The following POLR1B variants were observed in gnomAD, a reference collection of about 807,000 sequenced individuals.
POLR1B encodes the protein DNA-directed RNA polymerase I subunit RPA2.
In POLR1B, 30 loss-of-function variants were observed where a neutral mutation model predicts 105.8. The observed-to-expected ratio is 0.28, with a 90% CI of 0.21 to 0.38. The LOEUF (loss-of-function observed/expected upper bound fraction) is 0.38, where lower values mean the gene tolerates loss of function less well. Ranked by LOEUF, POLR1B falls within the 10% of genes least tolerant of loss-of-function variation. The probability of loss-of-function intolerance (pLI) is 1.00; values close to 1 mark genes in which losing one functional copy is unlikely to be tolerated. For missense variants in POLR1B, 976 were observed against 1,435.8 expected, an observed-to-expected ratio of 0.68 and a Z score of 5.17; for synonymous variants, 485 against 505.1, an observed-to-expected ratio of 0.96 and a Z score of 0.53.
chr2:112,561,750 A>G (rs1683999015), intron 9 of POLR1B, among the ~76,000 whole-genome samples: 1 of 152,188 alleles, frequency 6.6e-6, no homozygotes, highest in Admixed American at 6.5e-5. Flanking sequence ...TTTTTCTGTT[A>G]GGCACATCAC....
intron 9 of POLR1B, among the ~76,000 whole-genome samples, chr2:112,563,281 T>C (rs1684103342): frequency 6.6e-6 from 1 of 151,826 alleles, no homozygotes; most frequent in Non-Finnish European, 1.5e-5. Flanking sequence ...GGTCTCGATC[T>C]CCTGACCTCG....
At chr2:112,554,122 C>G (rs1683522649) in intron 7 of POLR1B, among the ~76,000 whole-genome samples, 1 of 151,778 alleles carries the variant, frequency 6.6e-6, no homozygotes, top group Non-Finnish European at 1.5e-5. Flanking sequence ...GCCACTGTGC[C>G]TGGCTTCTAA....
chr2:112,568,119 A>G lies in POLR1B; in HGVS notation c.1899A>G (p.Leu633=), dbSNP rs1467234232. ...VQNLALGKEE[L]IGTMEQIFMN... is the part of the protein sequence containing the mutation. ...ACTTAGCATTGGGCAAAGAAGAGCT[A>G]ATTGGAACTATGGAACAGGTAAATA... The change falls in exon 11 of 15, where the codon CTA becomes CTG. Residue 633 remains leucine (L), a synonymous_variant. Transcript: ENST00000263331. 2.5e-6 allele frequency: 4 copies of G among 1,613,808 alleles called. No individual in the cohort carries two copies. The highest frequency in any genetic ancestry group is 3.4e-6 in the Non-Finnish European group (4 of 1,179,840).
intron 10 of POLR1B, 88 bp from the exon 11 acceptor site, chr2:112,567,879 A>T (rs377300981): frequency 2.7e-6 from 3 of 1,123,256 alleles, no homozygotes; most frequent in Non-Finnish European, 2.6e-6. Flanking sequence ...CTGAGTGTGG[A>T]TGAGTGGTAT....
intron 9 of POLR1B, among the ~76,000 whole-genome samples, chr2:112,562,840 C>G (rs141292896): frequency 0.012 from 1,770 of 150,496 alleles, 24 homozygotes; most frequent in South Asian, 0.021. Flanking sequence ...ATTCTCCTGC[C>G]TCAGCCTTGC....
At chr2:112,564,639 C>CGGAA in intron 10 of POLR1B, 140 bp downstream of exon 10, 1 of 1,172,126 alleles carries the variant, frequency 8.5e-7, no homozygotes, top group Non-Finnish European at 1.2e-6. Flanking sequence ...CCTGTGCATT[C>CGGAA]CCTCTGGTGA....
chr2:112,547,588 A>G (rs917690421), intron 3 of POLR1B, 21 bp downstream of exon 3: 2 of 1,611,922 alleles, frequency 1.2e-6, no homozygotes, highest in Non-Finnish European at 1.7e-6. Context: ...GCGTCCAGGC[A>G]TGAGACAGTA....
rs542412465 is a variant in POLR1B, at chr2:112,548,441, G to A, written c.493-826G>A. On this transcript the variant is annotated intron_variant, in intron 3 of 14. Coordinates refer to ENST00000263331, the MANE Select transcript of POLR1B (RefSeq NM_019014.6). Reference sequence around the variant, plus strand: ...ATGCCTGTTTCATAGTAGGCAATTCGTAAATAGTAGCTGTTTATTACAGAA... The same window carrying A: ...ATGCCTGTTTCATAGTAGGCAATTCATAAATAGTAGCTGTTTATTACAGAA... Among the ~76,000 whole-genome samples the A allele has an allele frequency of 4.6e-5, 7 of 152,254 alleles. No homozygotes were observed. The East Asian group carries it at 1.2e-3, about 25-fold the overall frequency.
chr2:112,552,076 C>T (rs13015822), intron 6 of POLR1B, 78 bp downstream of exon 6: 294 of 1,170,816 alleles, frequency 2.5e-4, no homozygotes, highest in Non-Finnish European at 3.6e-4. Context: ...GCAGTTTGGG[C>T]GGGCGAGTCA....
chr2:112,564,647 T>G, intron 10 of POLR1B, 148 bp downstream of exon 10: 1 of 1,096,924 alleles, frequency 9.1e-7, no homozygotes, highest in Non-Finnish European at 1.3e-6. Flanking sequence ...TTCCCTCTGG[T>G]GACAGAGGCT....
At chr2:112,567,264 C>G (rs1471815364) in intron 10 of POLR1B, among the ~76,000 whole-genome samples, 2 of 152,092 alleles carry the variant, frequency 1.3e-5, no homozygotes, top group African/African-American at 4.8e-5. Context: ...ATGCATCTAG[C>G]TGTGAATCCC....
At chr2:112,569,993 G>T (rs1684509834) in intron 12 of POLR1B, among the ~76,000 whole-genome samples, 3 of 149,872 alleles carry the variant, frequency 2.0e-5, no homozygotes, top group African/African-American at 2.5e-5. Flanking sequence ...TTTTGATATT[G>T]TTCCATAAGA....
rs778075809 is a variant in POLR1B, at chr2:112,578,973, TGAG to T, written c.*3246_*3248del. 7.2e-5 allele frequency among the ~76,000 whole-genome samples: 11 copies of T among 152,014 alleles called. No individual in the cohort carries two copies. The highest frequency in any genetic ancestry group is 1.6e-4 in the Non-Finnish European group (11 of 67,984). On this transcript the variant is annotated 3_prime_UTR_variant, in exon 15 of 15. Coordinates refer to ENST00000263331, the MANE Select transcript of POLR1B (RefSeq NM_019014.6). Reference sequence around the variant, plus strand: ...CTGTAATCCCAGGACTTTGGCAGGCTGAGGTGTGCAGATCACTTGAGGTCAGGA... The same window carrying T: ...CTGTAATCCCAGGACTTTGGCAGGCTGTGTGCAGATCACTTGAGGTCAGGA...
At chr2:112,563,212 G>T (rs953708831) in intron 9 of POLR1B, among the ~76,000 whole-genome samples, 4 of 151,428 alleles carry the variant, frequency 2.6e-5, no homozygotes, top group African/African-American at 9.7e-5. Context: ...CCGCCACCAC[G>T]CCCGGCTAAT....
intron 12 of POLR1B, 143 bp downstream of exon 12, chr2:112,569,045 C>T (rs1385116065): frequency 2.5e-6 from 2 of 808,412 alleles, no homozygotes; most frequent in Non-Finnish European, 3.8e-6. Context: ...TTCTGTGCCA[C>T]AAGCAACCAG....
chr2:112,544,249 G>A (rs1189739519), intron 1 of POLR1B, among the ~76,000 whole-genome samples: 1 of 151,032 alleles, frequency 6.6e-6, no homozygotes, highest in Non-Finnish European at 1.5e-5. Context: ...TGGCCAACCT[G>A]GTGAAACCCC....
chr2:112,555,180 CCAAAAAAA>C, intron 7 of POLR1B, among the ~76,000 whole-genome samples: 1 of 151,254 alleles, frequency 6.6e-6, no homozygotes, highest in Non-Finnish European at 1.5e-5. Context: ...GACCCTGTCT[CCAAAAAAA>C]ACCTGTTAGC....
At chr2:112,569,442 T>C (rs1480800432) in intron 12 of POLR1B, among the ~76,000 whole-genome samples, 1 of 152,258 alleles carries the variant, frequency 6.6e-6, no homozygotes, top group Admixed American at 6.5e-5. Context: ...TCACTGGATA[T>C]ACAATTCTGA....
chr2:112,559,439 T>G lies in POLR1B; in HGVS notation c.1477T>G (p.Ser493Ala), dbSNP rs1461919581. The G allele has an allele frequency of 6.2e-7, 1 of 1,614,018 alleles. No homozygotes were observed. Among genetic ancestry groups the G allele is most frequent in the East Asian group, 2.2e-5 (1 of 44,900 alleles). ...CACAGTACGCAGGCTGCTGCCAGAGTCCTGGGGCTTCCTTTGTCCCGTGCA... is the reference window on the plus strand; with the variant it reads ...CACAGTACGCAGGCTGCTGCCAGAGGCCTGGGGCTTCCTTTGTCCCGTGCA... ...TTTVRRLLPE[S>A]WGFLCPVHTP... Residue 493 changes from serine to alanine, a missense_variant, in exon 9 of 15, where the codon TCC becomes GCC. By Grantham distance (99) the Ser-to-Ala change is moderately conservative. Transcript: ENST00000263331.
Sources: gnomAD v4.1 joint callset for allele counts (sites outside exome capture counted in the v4.1 genomes callset) on GRCh38, gnomAD v4.1.1 for gene constraint, MANE v1.5 for transcripts, NCBI Gene and HGNC (gene_info 2026-07-23, HGNC 2026-07-21) for gene names.